The following RUNX1T1 variants were observed in gnomAD, a reference collection of about 807,000 sequenced individuals.
RUNX1T1 encodes protein CBFA2T1.
In RUNX1T1, 4 loss-of-function variants were observed where a neutral mutation model predicts 62.8. The observed-to-expected ratio is 0.06, with a 90% confidence interval of 0.03 to 0.15. The LOEUF is 0.15. RUNX1T1 is among the 10% of genes least tolerant of loss of function. The pLI, the probability that RUNX1T1 is intolerant of heterozygous loss-of-function variation, is 1.00. For missense variants in RUNX1T1, 508 were observed against 754.3 expected (o/e 0.67, Z 3.82); for synonymous variants, 291 against 286.0 (o/e 1.02, Z -0.18).
At chr8:92,095,404 C>T in intron 1 of RUNX1T1, 1 of 1,535,478 alleles carries the variant, frequency 6.5e-7, no homozygotes, top group Non-Finnish European at 8.7e-7. Flanking sequence ...CAGACCGCGG[C>T]TTTGTATTCA....
chr8:92,038,997 C>T (rs1403224446), intron 1 of RUNX1T1, among the ~76,000 whole-genome samples: 2 of 152,134 alleles, frequency 1.3e-5, no homozygotes, highest in African/African-American at 2.4e-5. Flanking sequence ...GCACATCCTC[C>T]ATTCTCCCAC....
chr8:91,986,755 C>T (rs1325838727), intron 7 of RUNX1T1, 132 bp downstream of exon 8: 2 of 669,622 alleles, frequency 3.0e-6, no homozygotes, highest in African/African-American at 3.6e-5. Context: ...GATATTCTCG[C>T]TCATTTTTTT....
chr8:92,069,476 C>A (rs1587455538), intron 2 of RUNX1T1, among the ~76,000 whole-genome samples: 1 of 152,094 alleles, frequency 6.6e-6, no homozygotes, highest in South Asian at 2.1e-4. Flanking sequence ...CTAATAAATT[C>A]TCCACTTATA....
chr8:92,101,876 G>T (rs901093456), upstream of RUNX1T1, among the ~76,000 whole-genome samples: 1 of 152,190 alleles, frequency 6.6e-6, no homozygotes. Context: ...AACCAACCCG[G>T]TCCTTTCAGG....
At chr8:92,029,228 AG>A (rs1234268510) in intron 1 of RUNX1T1, among the ~76,000 whole-genome samples, 27 of 152,356 alleles carry the variant, frequency 1.8e-4, no homozygotes, top group African/African-American at 6.5e-4. Flanking sequence ...TTTACATTAT[AG>A]GCAATGAAAA....
intron 10 of RUNX1T1, among the ~76,000 whole-genome samples, chr8:91,967,968 T>C (rs2130568926): frequency 6.6e-6 from 1 of 152,318 alleles, no homozygotes; most frequent in Middle Eastern, 3.4e-3. Flanking sequence ...TAATAATATA[T>C]TGTGTTATAG....
chr8:92,066,857 T>C (rs185899815), upstream of RUNX1T1, among the ~76,000 whole-genome samples: 9 of 152,354 alleles, frequency 5.9e-5, no homozygotes, highest in South Asian at 2.1e-4. Flanking sequence ...AAAAAGTTCA[T>C]TGAAGTATTC....
In RUNX1T1 at chr8:92,090,896, T is replaced by C. The variant is rs144288454; in HGVS notation, c.-86+8684A>G. ...AGAAAGTGAAACACTGGTTAATCAA[T>C]TACTTAAAATCAGTGATGAGAATGT... On this transcript the variant is annotated intron_variant, in intron 1 of 11. Transcript: ENST00000265814. Among the ~76,000 whole-genome samples the C allele has an allele frequency of 3.4e-3, 514 of 152,272 alleles. 4 individuals carry two copies. Among genetic ancestry groups the C allele is most frequent in the African/African-American group, 0.012 (494 of 41,538 alleles).
At chr8:91,972,280 A>T (rs528087321) in intron 9 of RUNX1T1, among the ~76,000 whole-genome samples, 2 of 152,272 alleles carry the variant, frequency 1.3e-5, no homozygotes, top group East Asian at 3.9e-4. Flanking sequence ...CTCCACTAGT[A>T]ATTAACTGTC....
At chr8:92,040,373 G>C (rs981644780) in intron 1 of RUNX1T1, among the ~76,000 whole-genome samples, 3 of 151,870 alleles carry the variant, frequency 2.0e-5, no homozygotes, top group African/African-American at 7.3e-5. Context: ...ACATACACAC[G>C]GACACACATG....
chr8:92,035,250 G>T (rs1364681469), intron 1 of RUNX1T1, among the ~76,000 whole-genome samples: 1 of 150,102 alleles, frequency 6.7e-6, no homozygotes, highest in Non-Finnish European at 1.5e-5. Flanking sequence ...AGCCAATATC[G>T]CGCCATTGCC....
intron 1 of RUNX1T1, among the ~76,000 whole-genome samples, chr8:92,023,138 C>T (rs1824440424): frequency 6.6e-6 from 1 of 152,144 alleles, no homozygotes; most frequent in African/African-American, 2.4e-5. Context: ...GAAAGACATC[C>T]TCACTTTCTA....
chr8:91,956,970 T>TAAA, downstream of RUNX1T1: 1 of 102,648 alleles, frequency 9.7e-6, no homozygotes, highest in Non-Finnish European at 2.0e-5. Flanking sequence ...CACCTACACA[T>TAAA]AAAAAAAAAA....
chr8:92,027,192 A>C (rs1421973026), intron 1 of RUNX1T1, among the ~76,000 whole-genome samples: 1 of 152,172 alleles, frequency 6.6e-6, no homozygotes, highest in Non-Finnish European at 1.5e-5. Flanking sequence ...GCCACATGTG[A>C]CTATTTAAAT....
At chr8:91,963,607 G>A (rs1025583666) in intron 10 of RUNX1T1, among the ~76,000 whole-genome samples, 5 of 152,198 alleles carry the variant, frequency 3.3e-5, no homozygotes, top group African/African-American at 1.2e-4. Context: ...TCTGGAAACA[G>A]CGGAAGGTGC....
intron 1 of RUNX1T1, among the ~76,000 whole-genome samples, chr8:92,035,308 A>T (rs561718642): frequency 2.2e-4 from 34 of 151,750 alleles, no homozygotes; most frequent in East Asian, 1.2e-3. Context: ...AAAAAAAAAA[A>T]AATAAGAGTG....
intron 5 of RUNX1T1, chr8:92,003,292 C>T (rs570205089): frequency 2.2e-6 from 1 of 454,750 alleles, no homozygotes; most frequent in Admixed American, 2.4e-5. Flanking sequence ...ACATACTGCC[C>T]AGCACTTACC....
Position 91,985,832 on chromosome 8 carries a change from T to G in RUNX1T1, c.1198+292A>C, listed in dbSNP as rs569679794. On this transcript the variant is annotated intron_variant, in intron 8 of 10. Coordinates refer to ENST00000396218, the Ensembl canonical transcript of RUNX1T1. ...GATTGTTTTTGCTGTTTTGAGGCAT[T>G]ACGAAGGAGCACAAGTTTTAGTTAT... Among the ~76,000 whole-genome samples the G allele has an allele frequency of 5.3e-5, 8 of 152,256 alleles. No individual in the cohort carries two copies. The South Asian group carries it at 1.7e-3, about 32-fold the overall frequency.
intron 1 of RUNX1T1, among the ~76,000 whole-genome samples, chr8:92,024,034 A>T (rs1824636595): frequency 6.6e-6 from 1 of 152,226 alleles, no homozygotes; most frequent in Non-Finnish European, 1.5e-5. Context: ...AGAGATTATC[A>T]TGGTAGTAGT....
Sources: gnomAD v4.1 joint callset for allele counts (sites outside exome capture counted in the v4.1 genomes callset) on GRCh38, gnomAD v4.1.1 for gene constraint, MANE v1.5 for transcripts, NCBI Gene and HGNC (gene_info 2026-07-23, HGNC 2026-07-21) for gene names.